PCDHGA3: variants seen among roughly 807,000 people sequenced by gnomAD.
The protein encoded by PCDHGA3 is protocadherin gamma-A3.
A neutral mutation model predicts 58.5 loss-of-function variants in PCDHGA3; 40 were observed. That is an observed-to-expected ratio of 0.68 (90% CI 0.53 to 0.89). The LOEUF (loss-of-function observed/expected upper bound fraction) is 0.89, where lower values mean the gene tolerates loss of function less well. Among genes scored for constraint, PCDHGA3 ranks in the 40% least tolerant of loss-of-function variants. PCDHGA3 has a pLI of 0.00. For synonymous variants in PCDHGA3, 530 were observed against 525.7 expected, an observed-to-expected ratio of 1.01 and a Z score of -0.11; for missense variants, 1,223 against 1,195.9, an observed-to-expected ratio of 1.02 and a Z score of -0.33.
chr5:141,370,964 G>A (rs372975056), intron 1 of PCDHGA3: 71 of 1,613,848 alleles, frequency 4.4e-5, no homozygotes, highest in Non-Finnish European at 5.6e-5. Flanking sequence ...ATGGCAGTAG[G>A]TACCCAGAGC....
At position 141,375,555 on chromosome 5, in the gene PCDHGA3, T is replaced by G. The variant is rs535412919; in HGVS notation, c.2424+29098T>G. 50 of 1,614,076 alleles carry G rather than the reference T, an allele frequency of 3.1e-5. No homozygotes were observed. In the Admixed American group the frequency reaches 5.5e-4, roughly 18 times the overall value. On this transcript the variant is annotated intron_variant, in intron 1 of 3. Transcript: ENST00000253812. ...CAGAACGCCCAAGTCTCCTACTCAC[T>G]GGCAGAAGACACCCTCCAGGGGGCG... is the stretch of plus-strand genomic sequence containing the variant.
In PCDHGA3 at chr5:141,366,223, C is replaced by T. The variant is rs141416995; in HGVS notation, c.2424+19766C>T. 8,329 of 1,613,836 alleles carry T rather than the reference C, an allele frequency of 5.2e-3. 46 individuals are homozygous for T. The highest frequency in any genetic ancestry group is 9.4e-3 in the Admixed American group (566 of 60,034). The stretch of plus-strand genomic sequence containing the variant: ...CGGGCGAGGTGCGCACAGCGCGAGC[C>T]CTGCTGGACAGAGACGCGCTCAAGC... On this transcript the variant is annotated intron_variant, in intron 1 of 3. Coordinates refer to ENST00000253812, the MANE Select transcript of PCDHGA3 (RefSeq NM_018916.4).
chr5:141,355,593 C>T (rs770322971), intron 1 of PCDHGA3: 2 of 1,613,990 alleles, frequency 1.2e-6, no homozygotes, highest in Admixed American at 1.7e-5. Flanking sequence ...ATAACCCACC[C>T]AGTTTTGGGA....
intron 1 of PCDHGA3, chr5:141,355,258 C>G (rs1330047112): frequency 6.2e-7 from 1 of 1,613,408 alleles, no homozygotes; most frequent in Non-Finnish European, 8.5e-7. Flanking sequence ...CTGCCTTCTC[C>G]TGGGGGTTCT....
At chr5:141,447,988 A>C (rs1234413003) in intron 1 of PCDHGA3, among the ~76,000 whole-genome samples, 1 of 152,018 alleles carries the variant, frequency 6.6e-6, no homozygotes, top group Non-Finnish European at 1.5e-5. Flanking sequence ...CGGGAGGCTG[A>C]GGCATGAGAA....
intron 1 of PCDHGA3, chr5:141,356,120 T>C (rs1760114115): frequency 6.2e-7 from 1 of 1,613,918 alleles, no homozygotes; most frequent in Middle Eastern, 1.6e-4. Flanking sequence ...TTGGGGGGTC[T>C]AGATTATGAG....
At chr5:141,347,056 TTCCTTCCTTCCTTCCTCTCTCTCTTTCC>T (rs1561493149) in intron 1 of PCDHGA3, among the ~76,000 whole-genome samples, 163 of 135,468 alleles carry the variant, frequency 1.2e-3, no homozygotes, top group South Asian at 1.1e-3. Flanking sequence ...TCTTTCCTCC[TTCCTTCCTTCCTTCCTCTCTCTCTTTCC>T]TCCTTCCTTC....
intron 1 of PCDHGA3, among the ~76,000 whole-genome samples, chr5:141,349,639 G>C (rs1047653620): frequency 6.6e-6 from 1 of 151,988 alleles, no homozygotes; most frequent in Non-Finnish European, 1.5e-5. Flanking sequence ...TATATGGAGA[G>C]ATTTAAAATA....
chr5:141,355,393 C>T lies in PCDHGA3; in HGVS notation c.2424+8936C>T, dbSNP rs375047889. 2.4e-5 allele frequency: 38 copies of T among 1,613,946 alleles called. No individual in the cohort carries two copies. The African/African-American group carries it at 4.7e-4, about 20-fold the overall frequency. On this transcript the variant is annotated intron_variant, in intron 1 of 3. Transcript: ENST00000253812. ...CCGGGAGCTGGCGGAGCGCGGAGTC[C>T]GCATCGTCTCCAGAGGTAGGACGCA...
rs1297899765 is a variant in PCDHGA3, at chr5:141,431,815, C to T, written c.2425-62992C>T. ...CCCCAGAAGTGGTCCTCACCTCTCTCGCCAGCTCGGTTCCCGAAAACTCTC... is the reference window on the plus strand; with the variant it reads ...CCCCAGAAGTGGTCCTCACCTCTCTTGCCAGCTCGGTTCCCGAAAACTCTC... On this transcript the variant is annotated intron_variant, in intron 1 of 3. Transcript: ENST00000253812. The surrounding 1 kb of genome is among the most constrained non-coding windows in gnomAD (Gnocchi z 4.8). 5 of 1,614,124 alleles carry T rather than the reference C, an allele frequency of 3.1e-6. No homozygotes were observed. The Admixed American group carries it at 5.0e-5, about 16-fold the overall frequency.
At chr5:141,351,416 G>C in intron 1 of PCDHGA3, 1 of 1,611,528 alleles carries the variant, frequency 6.2e-7, no homozygotes, top group South Asian at 1.1e-5. Context: ...TCAGGAAGAA[G>C]TTCCTTTCAA....
chr5:141,398,525 T>A, intron 1 of PCDHGA3: 1 of 1,613,440 alleles, frequency 6.2e-7, no homozygotes, highest in Non-Finnish European at 8.5e-7. Flanking sequence ...ACGCCAAAAT[T>A]CACGCAAAAT....
chr5:141,374,715 T>C (rs1260634763), intron 1 of PCDHGA3: 1 of 1,609,848 alleles, frequency 6.2e-7, no homozygotes, highest in Non-Finnish European at 8.5e-7. Context: ...TACCGCCTGG[T>C]CCTTACTGCC....
At chr5:141,360,251 A>G (rs1761497607) in intron 1 of PCDHGA3, 1 of 1,613,914 alleles carries the variant, frequency 6.2e-7, no homozygotes, top group Admixed American at 1.7e-5. Context: ...TCAATTCCAG[A>G]GGAGCTGGCC....
intron 1 of PCDHGA3, chr5:141,423,928 G>C: frequency 8.1e-7 from 1 of 1,236,850 alleles, no homozygotes; most frequent in Non-Finnish European, 1.0e-6. Flanking sequence ...ATGCTGGTTT[G>C]GTTTGAAGTA....
intron 1 of PCDHGA3, chr5:141,389,681 C>T (rs1172050771): frequency 1.2e-6 from 2 of 1,612,438 alleles, no homozygotes; most frequent in South Asian, 1.1e-5. Context: ...CAGGACACAA[C>T]GCCTGGCTGT....
At position 141,344,897 on chromosome 5, in the gene PCDHGA3, C is replaced by T. The variant is rs1757488532; in HGVS notation, c.864C>T (p.Ile288=). The T allele has an allele frequency of 1.2e-6, 2 of 1,613,718 alleles. No individual in the cohort carries two copies. The highest frequency in any genetic ancestry group is 1.7e-6 in the Non-Finnish European group (2 of 1,179,848). Residue 288 remains isoleucine (I), a synonymous_variant, in exon 1 of 4, where the codon ATC becomes ATT. Transcript: ENST00000253812. ...SYILDKMPGK[I]AEIFHLNSVS... ...TTCTAGATAAAATGCCTGGGAAAAT[C>T]GCTGAGATTTTCCATCTTAACTCAG...
At chr5:141,442,089 C>A in intron 1 of PCDHGA3, 1 of 170,684 alleles carries the variant, frequency 5.9e-6, no homozygotes, top group South Asian at 1.1e-4. Context: ...CTCGCTACCG[C>A]CACGTCACCA....
chr5:141,367,301 G>C (rs1765044425), intron 1 of PCDHGA3: 1 of 152,822 alleles, frequency 6.5e-6, no homozygotes, highest in African/African-American at 2.4e-5. Flanking sequence ...CACTTTGGGA[G>C]GCTGAGGTGG....
Sources: gnomAD v4.1 joint callset for allele counts (sites outside exome capture counted in the v4.1 genomes callset) on GRCh38, gnomAD v4.1.1 for gene constraint, Gnocchi (gnomAD v3.1) non-coding constraint, MANE v1.5 for transcripts, NCBI Gene and HGNC (gene_info 2026-07-23, HGNC 2026-07-21) for gene names.